The following ABTB3 variants were observed in gnomAD, a reference collection of about 807,000 sequenced individuals.
The protein encoded by ABTB3 is ankyrin repeat and BTB domain containing 3.
At chr12:107,534,181 G>C in the ABTB3 span, among the ~76,000 whole-genome samples, 1 of 149,726 alleles carries the variant, frequency 6.7e-6, no homozygotes, top group African/African-American at 2.5e-5. Flanking sequence ...CTTCGTTCCA[G>C]CCTGGGTAAC....
the ABTB3 span, among the ~76,000 whole-genome samples, chr12:107,439,552 C>T: frequency 1.3e-5 from 2 of 152,152 alleles, no homozygotes; most frequent in Non-Finnish European, 2.9e-5. Context: ...AATGACCCCA[C>T]CTCTCCTTCC....
the ABTB3 span, among the ~76,000 whole-genome samples, chr12:107,320,897 G>T: frequency 6.6e-6 from 1 of 152,104 alleles, no homozygotes; most frequent in Non-Finnish European, 1.5e-5. Flanking sequence ...AGTTTAGGGC[G>T]TCGTTTCCAG....
chr12:107,582,708 A>G, the ABTB3 span, among the ~76,000 whole-genome samples: 3 of 152,360 alleles, frequency 2.0e-5, 1 homozygote, highest in South Asian at 6.2e-4. Flanking sequence ...GCTTGTAGGT[A>G]GAAGTGCCAA....
At chr12:107,569,793 C>T in the ABTB3 span, among the ~76,000 whole-genome samples, 2 of 152,328 alleles carry the variant, frequency 1.3e-5, no homozygotes, top group East Asian at 1.9e-4. Flanking sequence ...CAGACTTAGC[C>T]TGGAAGTAAA....
At chr12:107,630,818 C>A in the ABTB3 span, among the ~76,000 whole-genome samples, 1 of 152,140 alleles carries the variant, frequency 6.6e-6, no homozygotes, top group Non-Finnish European at 1.5e-5. Context: ...CCATATACCC[C>A]CTCACTCACT....
chr12:107,437,915 G>C, the ABTB3 span, among the ~76,000 whole-genome samples: 1 of 152,080 alleles, frequency 6.6e-6, no homozygotes, highest in African/African-American at 2.4e-5. Flanking sequence ...GGTATTGGGG[G>C]GTGGGGGTGG....
the ABTB3 span, among the ~76,000 whole-genome samples, chr12:107,537,528 GA>G: frequency 6.0e-5 from 9 of 150,548 alleles, no homozygotes; most frequent in East Asian, 1.9e-4. Context: ...AACTGAAAAG[GA>G]AAAAAAAAGA....
chr12:107,567,843 C>T, the ABTB3 span, among the ~76,000 whole-genome samples: 5 of 152,210 alleles, frequency 3.3e-5, no homozygotes, highest in Admixed American at 2.6e-4. Context: ...ACCATTCCCC[C>T]CTACCCCCAG....
At chr12:107,530,975 A>C in the ABTB3 span, among the ~76,000 whole-genome samples, 1 of 152,212 alleles carries the variant, frequency 6.6e-6, no homozygotes. Context: ...GCTGCCTTTG[A>C]AAGAGGGACT....
At chr12:107,460,840 G>C in the ABTB3 span, among the ~76,000 whole-genome samples, 1 of 152,104 alleles carries the variant, frequency 6.6e-6, no homozygotes, top group Non-Finnish European at 1.5e-5. Flanking sequence ...TAAAATTCCT[G>C]CCCCTGTACT....
At chr12:107,611,077 C>A in the ABTB3 span, among the ~76,000 whole-genome samples, 2 of 152,160 alleles carry the variant, frequency 1.3e-5, no homozygotes, top group African/African-American at 4.8e-5. Context: ...TATTGAGCAA[C>A]ACCAAGGAGC....
chr12:107,433,455 C>T, the ABTB3 span, among the ~76,000 whole-genome samples: 1 of 151,042 alleles, frequency 6.6e-6, no homozygotes, highest in Non-Finnish European at 1.5e-5. Flanking sequence ...CATGGGCGTT[C>T]CAGAGCTTGC....
chr12:107,450,240 G>T, the ABTB3 span, among the ~76,000 whole-genome samples: 8 of 152,108 alleles, frequency 5.3e-5, no homozygotes, highest in Non-Finnish European at 1.2e-4. Flanking sequence ...ATGGAGGGAA[G>T]TTCTAACTAT....
At chr12:107,415,246 ACCACTGACTCAGAC>A in the ABTB3 span, among the ~76,000 whole-genome samples, 703 of 152,188 alleles carry the variant, frequency 4.6e-3, 7 homozygotes, top group African/African-American at 0.016. Flanking sequence ...ATCAGACATC[ACCACTGACTCAGAC>A]CCACTGACTC....
the ABTB3 span, among the ~76,000 whole-genome samples, chr12:107,374,285 G>A: frequency 2.0e-5 from 3 of 152,086 alleles, no homozygotes; most frequent in Non-Finnish European, 4.4e-5. Flanking sequence ...GCCTGACTTC[G>A]CAACAGACAC....
At chr12:107,566,288 C>T in the ABTB3 span, among the ~76,000 whole-genome samples, 2 of 152,060 alleles carry the variant, frequency 1.3e-5, no homozygotes, top group African/African-American at 2.4e-5. Flanking sequence ...CCTACTTCCT[C>T]AAAGGAACCT....
chr12:107,495,721 G>A, the ABTB3 span, among the ~76,000 whole-genome samples: 6 of 152,272 alleles, frequency 3.9e-5, no homozygotes, highest in East Asian at 1.9e-4. Context: ...GGTCCACCTC[G>A]TTCCTGGCAG....
At chr12:107,445,068 C>A in the ABTB3 span, among the ~76,000 whole-genome samples, 1 of 152,176 alleles carries the variant, frequency 6.6e-6, no homozygotes, top group Non-Finnish European at 1.5e-5. Flanking sequence ...CAGCCTGGGG[C>A]CCCATCTTCC....
chr12:107,457,623 A>G, the ABTB3 span, among the ~76,000 whole-genome samples: 1 of 152,202 alleles, frequency 6.6e-6, no homozygotes, highest in African/African-American at 2.4e-5. Context: ...CCAATTCCCA[A>G]CACAGGGACA....
Sources: allele counts gnomAD v4.1 joint callset (sites outside exome capture counted in the v4.1 genomes callset), GRCh38; gene constraint gnomAD v4.1.1; transcripts MANE v1.5; gene names NCBI Gene and HGNC (gene_info 2026-07-23, HGNC 2026-07-21).